Variants in UST observed in about 807,000 individuals in gnomAD.
UST encodes chondroitin sulfate 2-O-sulfotransferase.
UST carries 21 observed loss-of-function variants against 45.6 expected under a neutral mutation model. That is an observed-to-expected ratio of 0.46 (90% CI 0.33 to 0.66). The LOEUF is 0.66. UST is among the 30% of genes least tolerant of loss of function. UST has a pLI of 0.02. For synonymous variants in UST, 215 were observed against 200.6 expected (o/e 1.07, Z -0.61); for missense variants, 463 against 512.4 (o/e 0.90, Z 0.93).
At position 148,909,214 on chromosome 6, in the gene UST, CA is replaced by C. The variant is rs147973815; in HGVS notation, c.291+22186del. On this transcript the variant is annotated intron_variant, in intron 2 of 7. Coordinates refer to ENST00000367463, the MANE Select transcript of UST (RefSeq NM_005715.3). ...TTGTGAGAAATTCAAATTTAATAGG[CA>C]GTAATTGAACTTTTTTAAAAGAGCA... is the stretch of plus-strand genomic sequence containing the variant. 2.3e-3 allele frequency among the ~76,000 whole-genome samples: 345 copies of C among 152,264 alleles called. 3 individuals are homozygous for C. In the East Asian group the frequency reaches 0.036, roughly 16 times the overall value.
At chr6:148,809,247 T>C (rs1321937912) in intron 1 of UST, among the ~76,000 whole-genome samples, 3 of 152,106 alleles carry the variant, frequency 2.0e-5, no homozygotes, top group Non-Finnish European at 2.9e-5. Context: ...GACAGACTTC[T>C]CGTGTTTGGG....
At chr6:149,019,032 A>G in intron 5 of UST, 107 bp from the exon 6 acceptor site, 1 of 874,300 alleles carries the variant, frequency 1.1e-6, no homozygotes, top group Non-Finnish European at 1.9e-6. Context: ...TCATCTTCTC[A>G]AGGCGTGCCT....
At chr6:148,994,117 G>A (rs2114995697) in intron 5 of UST, among the ~76,000 whole-genome samples, 1 of 152,040 alleles carries the variant, frequency 6.6e-6, no homozygotes, top group South Asian at 2.1e-4. Flanking sequence ...CTACAGGCAT[G>A]CACCAGCACG....
intron 1 of UST, among the ~76,000 whole-genome samples, chr6:148,781,655 A>T (rs572712207): frequency 6.6e-6 from 1 of 152,212 alleles, no homozygotes; most frequent in African/African-American, 2.4e-5. Context: ...AGAAGATGCC[A>T]TCTAGGACTC....
At chr6:149,014,864 A>C (rs1179417669) in intron 5 of UST, among the ~76,000 whole-genome samples, 1 of 152,192 alleles carries the variant, frequency 6.6e-6, no homozygotes, top group African/African-American at 2.4e-5. Context: ...CACAGTTTGT[A>C]TCAGGTGCCC....
intron 1 of UST, among the ~76,000 whole-genome samples, chr6:148,771,017 G>C (rs6904894): frequency 0.49 from 74,805 of 151,996 alleles, 18,838 homozygotes; most frequent in African/African-American, 0.56. Flanking sequence ...AGAACAGAGT[G>C]ATGTCACTGT....
intron 5 of UST, among the ~76,000 whole-genome samples, chr6:149,002,775 G>T (rs550405682): frequency 2.3e-4 from 35 of 152,252 alleles, no homozygotes; most frequent in South Asian, 1.7e-3. Flanking sequence ...CCAAAGTGCT[G>T]GGATTACAGG....
At chr6:148,907,434 T>G (rs879724948) in intron 2 of UST, among the ~76,000 whole-genome samples, 2 of 152,078 alleles carry the variant, frequency 1.3e-5, no homozygotes. Context: ...ACAACACACA[T>G]AGGGGAGAAA....
intron 1 of UST, among the ~76,000 whole-genome samples, chr6:148,795,591 A>C (rs939314520): frequency 2.0e-5 from 3 of 152,140 alleles, no homozygotes; most frequent in Admixed American, 2.0e-4. Flanking sequence ...TATTTTACCC[A>C]GGGACTTTTA....
At position 148,795,715 on chromosome 6, in the gene UST, G is replaced by A. The variant is rs145666354; in HGVS notation, c.247+48038G>A. 1.1e-3 allele frequency among the ~76,000 whole-genome samples: 168 copies of A among 152,210 alleles called. 1 individual carries two copies. The highest frequency in any genetic ancestry group is 3.5e-3 in the African/African-American group (146 of 41,514). On this transcript the variant is annotated intron_variant, in intron 1 of 7. Transcript: ENST00000367463. The stretch of plus-strand genomic sequence containing the variant: ...CTCTAAAATCTTCCATCTTTGCTGA[G>A]ATGACGTATTTTTGCCTTCTAACAG...
intron 2 of UST, among the ~76,000 whole-genome samples, chr6:148,907,127 A>G (rs981778029): frequency 6.6e-6 from 1 of 152,128 alleles, no homozygotes; most frequent in Admixed American, 6.5e-5. Context: ...AATGTGAGAG[A>G]AAAAAAATCT....
chr6:148,847,872 A>G (rs1489384359), intron 1 of UST, among the ~76,000 whole-genome samples: 1 of 152,230 alleles, frequency 6.6e-6, no homozygotes, highest in Non-Finnish European at 1.5e-5. Context: ...TTCTGGATAA[A>G]TACTCATCAG....
intron 1 of UST, among the ~76,000 whole-genome samples, chr6:148,786,869 A>G (rs1776743872): frequency 6.6e-6 from 1 of 152,186 alleles, no homozygotes; most frequent in South Asian, 2.1e-4. Context: ...CAACTTCACT[A>G]GCATCTGTTA....
chr6:148,750,537 A>C (rs1487730063), intron 1 of UST, among the ~76,000 whole-genome samples: 2 of 152,182 alleles, frequency 1.3e-5, no homozygotes, highest in Admixed American at 1.3e-4. Flanking sequence ...CAGGACTTCA[A>C]CCCATGTCTG....
intron 2 of UST, among the ~76,000 whole-genome samples, chr6:148,895,964 G>A (rs1367309831): frequency 6.6e-6 from 1 of 152,180 alleles, no homozygotes; most frequent in Non-Finnish European, 1.5e-5. Context: ...ACAGAAAGAG[G>A]TTCCATGTTC....
At chr6:148,828,780 A>G (rs991183162) in intron 1 of UST, among the ~76,000 whole-genome samples, 3 of 152,232 alleles carry the variant, frequency 2.0e-5, no homozygotes, top group African/African-American at 7.2e-5. Flanking sequence ...ACCACCTACT[A>G]AGTATCAGAC....
intron 7 of UST, among the ~76,000 whole-genome samples, chr6:149,062,688 C>T (rs996751271): frequency 3.3e-5 from 5 of 152,156 alleles, no homozygotes; most frequent in Non-Finnish European, 7.4e-5. Flanking sequence ...TGGAAATTAA[C>T]AGCCTGTGGT....
intron 5 of UST, among the ~76,000 whole-genome samples, chr6:149,017,594 CTA>C (rs150648547): frequency 0.02 from 2,979 of 152,158 alleles, 121 homozygotes; most frequent in African/African-American, 0.069. Context: ...GTCCTGTAGT[CTA>C]TACTTTCATT....
intron 1 of UST, among the ~76,000 whole-genome samples, chr6:148,768,378 T>G (rs1446737149): frequency 2.0e-5 from 3 of 152,218 alleles, no homozygotes; most frequent in African/African-American, 7.2e-5. Context: ...ATGAAGGATA[T>G]TAACCCTTTG....
Sources: gnomAD v4.1 joint callset for allele counts (sites outside exome capture counted in the v4.1 genomes callset) on GRCh38, gnomAD v4.1.1 for gene constraint, MANE v1.5 for transcripts, NCBI Gene and HGNC (gene_info 2026-07-23, HGNC 2026-07-21) for gene names.